The following FAM135A variants were observed in gnomAD, a reference collection of about 807,000 sequenced individuals.
The protein encoded by FAM135A is protein FAM135A.
FAM135A carries 79 observed loss-of-function variants against 146.8 expected under a neutral mutation model. The observed-to-expected ratio is 0.54, with a 90% CI of 0.45 to 0.65. The LOEUF (loss-of-function observed/expected upper bound fraction) is 0.65. Among genes scored for constraint, FAM135A ranks in the 30% least tolerant of loss-of-function variants. The probability of loss-of-function intolerance (pLI) is 0.00; values close to 1 mark genes in which losing one functional copy is unlikely to be tolerated. For missense variants in FAM135A, 1,623 were observed against 1,758.2 expected, an observed-to-expected ratio of 0.92 and a Z score of 1.38; for synonymous variants, 562 against 603.6, an observed-to-expected ratio of 0.93 and a Z score of 1.01.
At chr6:70,439,395 A>G (rs1016192854) in intron 4 of FAM135A, among the ~76,000 whole-genome samples, 2 of 152,152 alleles carry the variant, frequency 1.3e-5, no homozygotes, top group Non-Finnish European at 2.9e-5. Context: ...GCTTTGAACT[A>G]TTTTGTCTAA....
chr6:70,492,280 C>G (rs1271996829), intron 11 of FAM135A, among the ~76,000 whole-genome samples: 1 of 151,606 alleles, frequency 6.6e-6, no homozygotes, highest in African/African-American at 2.4e-5. Flanking sequence ...ACATCAGGGT[C>G]TATAAATATT....
At position 70,457,584 on chromosome 6, in the gene FAM135A, T is replaced by C. The variant is rs1406580657; in HGVS notation, c.157+5013T>C. Among the ~76,000 whole-genome samples the C allele has an allele frequency of 1.3e-5, 2 of 152,170 alleles. 1 individual carries two copies. The highest frequency in any genetic ancestry group is 1.3e-4 in the Admixed American group (2 of 15,276). On this transcript the variant is annotated intron_variant, in intron 5 of 21. Coordinates refer to ENST00000418814, the MANE Select transcript of FAM135A (RefSeq NM_001162529.3). ...AGCTGCTCAGTCCCTTCTTTGTCTT[T>C]TGAGAGAAAAAAAATTCTAGAAAAG...
At chr6:70,449,159 G>T (rs1321741347) in intron 4 of FAM135A, among the ~76,000 whole-genome samples, 2 of 152,074 alleles carry the variant, frequency 1.3e-5, no homozygotes, top group African/African-American at 4.8e-5. Context: ...CAATTTAAAA[G>T]TTGTATATAT....
intron 3 of FAM135A, among the ~76,000 whole-genome samples, chr6:70,427,163 G>T (rs1770350719): frequency 6.6e-6 from 1 of 151,892 alleles, no homozygotes; most frequent in Non-Finnish European, 1.5e-5. Context: ...TTTTTAAATA[G>T]TGAAAAAATG....
intron 11 of FAM135A, among the ~76,000 whole-genome samples, chr6:70,495,858 A>T (rs1013346796): frequency 1.3e-5 from 2 of 151,556 alleles, no homozygotes; most frequent in African/African-American, 4.9e-5. Flanking sequence ...TCATTGTTCA[A>T]CTCCCACTTA....
At position 70,525,204 on chromosome 6, in the gene FAM135A, C is replaced by G. The variant is rs371095906; in HGVS notation, c.2120C>G (p.Ser707Cys). The G allele has an allele frequency of 2.5e-6, 4 of 1,597,688 alleles. No individual in the cohort carries two copies. The African/African-American group carries it at 5.4e-5, about 22-fold the overall frequency. The part of the protein sequence containing the change: ...ESLESNGKSK[S>C]IEITFEKEAL... Reference sequence around the variant, plus strand: ...TTAGAATCTAATGGTAAATCTAAATCTATAGAAATAACATTTGAAAAGGAA... The same window carrying G: ...TTAGAATCTAATGGTAAATCTAAATGTATAGAAATAACATTTGAAAAGGAA... The change falls in exon 15 of 22, where the codon TCT becomes TGT. Residue 707 changes from serine to cysteine, a missense_variant. Transcript: ENST00000418814.
At chr6:70,538,506 A>G (rs1209660017) in intron 20 of FAM135A, 105 bp downstream of exon 20, 3 of 575,984 alleles carry the variant, frequency 5.2e-6, no homozygotes, top group Non-Finnish European at 8.1e-6. Context: ...GTTAAAAAAA[A>G]GTGTCATTCT....
intron 15 of FAM135A, 80 bp from the exon 16 acceptor site, chr6:70,528,212 C>A: frequency 7.2e-7 from 1 of 1,380,770 alleles, no homozygotes; most frequent in Non-Finnish European, 9.7e-7. Context: ...GTTTCCACTT[C>A]TACAATTCTC....
intron 4 of FAM135A, among the ~76,000 whole-genome samples, chr6:70,448,861 G>A (rs1776406835): frequency 1.3e-5 from 2 of 152,218 alleles, no homozygotes; most frequent in Non-Finnish European, 2.9e-5. Context: ...TATTGTTTGT[G>A]GTTTAAGAAC....
chr6:70,544,421 G>A (rs746270154), intron 20 of FAM135A, among the ~76,000 whole-genome samples: 5 of 152,002 alleles, frequency 3.3e-5, no homozygotes, highest in East Asian at 1.9e-4. Context: ...CCAGCTACTC[G>A]GGAGGCTGAG....
At chr6:70,417,518 C>G (rs1171129919) in intron 2 of FAM135A, 1 of 785,644 alleles carries the variant, frequency 1.3e-6, no homozygotes, top group African/African-American at 1.9e-5. Flanking sequence ...TGGCTGTAGT[C>G]TGGGACATTT....
intron 5 of FAM135A, 125 bp downstream of exon 5, chr6:70,452,696 A>T: frequency 1.6e-6 from 1 of 614,562 alleles, no homozygotes; most frequent in Non-Finnish European, 2.6e-6. Flanking sequence ...AACCATTGTA[A>T]GAAATATATT....
intron 5 of FAM135A, among the ~76,000 whole-genome samples, chr6:70,453,327 A>G (rs551760420): frequency 4.3e-4 from 66 of 152,342 alleles, no homozygotes; most frequent in Non-Finnish European, 8.8e-4. Flanking sequence ...AAATTTTAAA[A>G]AACTTGTTGG....
intron 2 of FAM135A, among the ~76,000 whole-genome samples, chr6:70,423,446 G>A (rs189679909): frequency 3.2e-4 from 48 of 152,216 alleles, no homozygotes; most frequent in Non-Finnish European, 5.9e-4. Context: ...GAAGACATTC[G>A]GTAATCCAGA....
chr6:70,525,030 C>G lies in FAM135A; in HGVS notation c.1946C>G (p.Thr649Ser), dbSNP rs146541493. ...GACGATTGCCATGATCATCAAACAA[C>G]CCCATCTTTGGGAGTTAGAACAATT... ...SSDDCHDHQTTPSLGVRTIEI... is the reference protein window; with the variant it reads ...SSDDCHDHQTSPSLGVRTIEI... The change falls in exon 15 of 22, where the codon ACC becomes AGC. Residue 649 changes from threonine to serine, a missense_variant. Transcript: ENST00000418814. The G allele has an allele frequency of 5.4e-5, 86 of 1,596,846 alleles. No individual in the cohort carries two copies. In the African/African-American group the frequency reaches 1.0e-3, roughly 19 times the overall value.
rs557260464 is a variant in FAM135A, at chr6:70,514,782, C to T, written c.1030-7731C>T. Among the ~76,000 whole-genome samples, 5 of 152,272 alleles carry T rather than the reference C, an allele frequency of 3.3e-5. No homozygotes were observed. The South Asian group carries it at 8.3e-4, about 25-fold the overall frequency. ...AGGGGTGAGGGAGGTCTTAGGGGAT[C>T]CCATACTTTTCATGACTTTCACTTC... On this transcript the variant is annotated intron_variant, in intron 12 of 21. Coordinates refer to ENST00000418814, the MANE Select transcript of FAM135A (RefSeq NM_001162529.3).
chr6:70,414,651 A>G (rs539482515), intron 1 of FAM135A, among the ~76,000 whole-genome samples: 9 of 152,216 alleles, frequency 5.9e-5, no homozygotes, highest in Non-Finnish European at 1.3e-4. Context: ...TATCCACTCA[A>G]TGTTTCTAGT....
rs370235363 is a variant in FAM135A at position 70,482,833 on chromosome 6, T to C, written c.823+679T>C. ...TGGGATTGGCAAAATAAGTTCTTAT[T>C]CAGACTTTTTATGTCAGTTTTATTA... On this transcript the variant is annotated intron_variant, in intron 10 of 21. Transcript: ENST00000418814. Among the ~76,000 whole-genome samples, 3 of 152,246 alleles carry C rather than the reference T, an allele frequency of 2.0e-5. No homozygotes were observed. The East Asian group carries it at 5.8e-4, about 29-fold the overall frequency.
At chr6:70,462,487 G>A (rs576364335) in intron 5 of FAM135A, among the ~76,000 whole-genome samples, 1 of 152,164 alleles carries the variant, frequency 6.6e-6, no homozygotes, top group South Asian at 2.1e-4. Flanking sequence ...AGACTGAAAT[G>A]GAGGGAAAAA....
Sources: gnomAD v4.1 joint callset for allele counts (sites outside exome capture counted in the v4.1 genomes callset) on GRCh38, gnomAD v4.1.1 for gene constraint, MANE v1.5 for transcripts, NCBI Gene and HGNC (gene_info 2026-07-23, HGNC 2026-07-21) for gene names.